TANC2: variants seen among roughly 807,000 people sequenced by gnomAD.
The protein encoded by TANC2 is tetratricopeptide repeat, ankyrin repeat and coiled-coil containing 2.
A neutral mutation model predicts 210.5 loss-of-function variants in TANC2; 26 were observed. That is an observed-to-expected ratio of 0.12 (90% confidence interval 0.09 to 0.17). The LOEUF (loss-of-function observed/expected upper bound fraction) is 0.17, where lower values mean the gene tolerates loss of function less well. Ranked by LOEUF, TANC2 falls within the 10% of genes least tolerant of loss-of-function variation. The probability of loss-of-function intolerance (pLI) is 1.00; values close to 1 mark genes in which losing one functional copy is unlikely to be tolerated. For missense variants in TANC2, 2,129 were observed against 2,608.9 expected, an observed-to-expected ratio of 0.82 and a Z score of 4.01; for synonymous variants, 931 against 967.1, an observed-to-expected ratio of 0.96 and a Z score of 0.69.
intron 5 of TANC2, among the ~76,000 whole-genome samples, chr17:63,158,701 T>C (rs766668064): frequency 1.5e-4 from 23 of 152,220 alleles, no homozygotes; most frequent in Admixed American, 2.6e-4. Context: ...GTATTAGTTA[T>C]CTATTGTTGC....
chr17:63,365,365 G>GT (rs1385169579), intron 14 of TANC2, among the ~76,000 whole-genome samples: 1 of 147,918 alleles, frequency 6.8e-6, no homozygotes, highest in Non-Finnish European at 1.5e-5. Flanking sequence ...TTACTTGCAA[G>GT]TATCTGTTTG....
At chr17:63,261,555 C>T (rs1032927056) in intron 8 of TANC2, among the ~76,000 whole-genome samples, 2 of 152,080 alleles carry the variant, frequency 1.3e-5, no homozygotes, top group African/African-American at 2.4e-5. Context: ...TATCTGAAGA[C>T]GTGAGATGAG....
intron 3 of TANC2, chr17:63,088,181 T>C (rs1247033903): frequency 6.6e-6 from 1 of 152,176 alleles, no homozygotes; most frequent in Non-Finnish European, 1.5e-5. Context: ...TTAATTCTCT[T>C]GTGTAGAACA....
At chr17:63,011,227 G>A (rs531875034) in intron 2 of TANC2, among the ~76,000 whole-genome samples, 1 of 151,252 alleles carries the variant, frequency 6.6e-6, no homozygotes, top group Admixed American at 6.6e-5. Context: ...TTGTTGTTTT[G>A]TGTGTGTGTG....
chr17:63,332,456 T>C, intron 11 of TANC2: 1 of 397,732 alleles, frequency 2.5e-6, no homozygotes, highest in East Asian at 7.4e-5. Flanking sequence ...GGACTCAAAG[T>C]GAGTAATCAG....
chr17:63,247,390 T>C (rs1385922152), intron 8 of TANC2, among the ~76,000 whole-genome samples: 1 of 152,040 alleles, frequency 6.6e-6, no homozygotes, highest in Non-Finnish European at 1.5e-5. Context: ...CTGATTTCTT[T>C]ACGACATTGG....
intron 12 of TANC2, among the ~76,000 whole-genome samples, chr17:63,347,215 A>C (rs1409909553): frequency 1.3e-5 from 2 of 152,212 alleles, no homozygotes; most frequent in Non-Finnish European, 2.9e-5. Flanking sequence ...ATTCAATTGA[A>C]TACTTCTTAG....
At chr17:63,073,569 A>G (rs753265612) in intron 2 of TANC2, among the ~76,000 whole-genome samples, 1 of 152,172 alleles carries the variant, frequency 6.6e-6, no homozygotes, top group African/African-American at 2.4e-5. Context: ...GTGCTGTTGT[A>G]CTTTAGACAG....
At chr17:63,169,303 T>C (rs1293788124) in intron 5 of TANC2, among the ~76,000 whole-genome samples, 2 of 152,222 alleles carry the variant, frequency 1.3e-5, no homozygotes, top group Non-Finnish European at 2.9e-5. Context: ...CCCCTAATTA[T>C]TTGTATATGT....
At chr17:63,137,839 C>T (rs2039144028) in intron 4 of TANC2, among the ~76,000 whole-genome samples, 1 of 152,024 alleles carries the variant, frequency 6.6e-6, no homozygotes, top group African/African-American at 2.4e-5. Flanking sequence ...GTATATTCAG[C>T]CCATTTGAAA....
chr17:63,162,618 T>C (rs1169347757), intron 5 of TANC2, among the ~76,000 whole-genome samples: 3 of 152,052 alleles, frequency 2.0e-5, no homozygotes, highest in Admixed American at 6.5e-5. Flanking sequence ...GGGTTGACTA[T>C]GGAAAGGAGT....
At chr17:62,988,196 C>T (rs2032669854) in intron 1 of TANC2, among the ~76,000 whole-genome samples, 1 of 151,948 alleles carries the variant, frequency 6.6e-6, no homozygotes, top group African/African-American at 2.4e-5. Flanking sequence ...GGTGCAATCT[C>T]AGCTCACTGC....
At chr17:63,107,822 C>T (rs1340147627) in intron 4 of TANC2, among the ~76,000 whole-genome samples, 3 of 151,654 alleles carry the variant, frequency 2.0e-5, no homozygotes, top group East Asian at 1.9e-4. Context: ...GGGTCACCAA[C>T]GATGGTATAG....
chr17:63,335,966 C>CA lies in TANC2; in HGVS notation c.1576-4124dup, dbSNP rs552393910. Among the ~76,000 whole-genome samples, 763 of 143,432 alleles carry CA rather than the reference C, an allele frequency of 5.3e-3. 6 individuals are homozygous for CA. Among genetic ancestry groups the CA allele is most frequent in the African/African-American group, 0.016 (620 of 39,274 alleles). 94.1% of individuals were successfully genotyped at this position (143,432 alleles called of 152,430 possible). Reference sequence around the variant, plus strand: ...AAAAAATAAATAAAAGTCCTACTGCCAAAAAAAAAAATGGTAGGGCTCCAA... The same window carrying CA: ...AAAAAATAAATAAAAGTCCTACTGCCAAAAAAAAAAAATGGTAGGGCTCCAA... On this transcript the variant is annotated intron_variant, in intron 11 of 27. Transcript: ENST00000689528.
intron 4 of TANC2, chr17:63,148,911 T>A (rs1368614392): frequency 6.6e-6 from 1 of 152,196 alleles, no homozygotes; most frequent in Non-Finnish European, 1.5e-5. Flanking sequence ...TTGTCCCTGC[T>A]GTGTTTGACT....
chr17:63,238,484 T>C (rs1396440380), intron 8 of TANC2, among the ~76,000 whole-genome samples: 1 of 152,236 alleles, frequency 6.6e-6, no homozygotes, highest in African/African-American at 2.4e-5. Flanking sequence ...ATTTGTATTA[T>C]CAGAAATCAT....
chr17:63,322,523 ATCTT>A (rs1463835762), intron 11 of TANC2, among the ~76,000 whole-genome samples: 1 of 152,194 alleles, frequency 6.6e-6, no homozygotes, highest in African/African-American at 2.4e-5. Context: ...ACTAATATCT[ATCTT>A]AGAAATACAC....
chr17:63,184,657 T>C (rs1023270187), intron 5 of TANC2, among the ~76,000 whole-genome samples: 2 of 147,242 alleles, frequency 1.4e-5, no homozygotes, highest in African/African-American at 4.9e-5. Context: ...TATGTATTCT[T>C]TTTTTTTTTT....
At position 63,418,322 on chromosome 17, in the gene TANC2, G is replaced by A. The variant is rs1416729665; in HGVS notation, c.4183G>A (p.Glu1395Lys). 1.2e-6 allele frequency: 2 copies of A among 1,613,368 alleles called. No individual in the cohort carries two copies. The highest frequency in any genetic ancestry group is 8.5e-7 in the Non-Finnish European group (1 of 1,179,688). The stretch of plus-strand genomic sequence containing the variant: ...GTAATGACAGGATTTTGGAATGGCG[G>A]AGGAATTTGCTACTAAGGCCCTGGA... The change falls in exon 27 of 28, where the codon GAG becomes AAG. Residue 1395 changes from glutamate to lysine, a missense_variant. Glu to Lys is a moderately conservative substitution (Grantham distance 56, BLOSUM62 1). This residue lies in a region of TANC2 where 644 missense variants were observed against 937.5 expected (regional missense o/e 0.69). Transcript: ENST00000689528. The surrounding 1 kb of genome is among the most constrained non-coding windows in gnomAD (Gnocchi z 4.6).
Sources: gnomAD v4.1 joint callset for allele counts (sites outside exome capture counted in the v4.1 genomes callset) on GRCh38, gnomAD v4.1.1 for gene constraint, gnomAD v4.1.1 regional missense constraint, Gnocchi (gnomAD v3.1) non-coding constraint, MANE v1.5 for transcripts, NCBI Gene and HGNC (gene_info 2026-07-23, HGNC 2026-07-21) for gene names.